The following YPEL1 variants were observed in gnomAD, a reference collection of about 807,000 sequenced individuals.
YPEL1 encodes the protein yippee like 1.
A neutral mutation model predicts 17.3 loss-of-function variants in YPEL1; 7 were observed. The ratio of observed to expected loss-of-function variants is 0.40; its 90% CI spans 0.23 to 0.76. YPEL1 has a LOEUF of 0.76. Among genes scored for constraint, YPEL1 ranks in the 30% least tolerant of loss-of-function variants. The probability of loss-of-function intolerance (pLI) is 0.35; values close to 1 mark genes in which losing one functional copy is unlikely to be tolerated. For synonymous variants in YPEL1, 59 were observed against 59.6 expected, an observed-to-expected ratio of 0.99 and a Z score of 0.05; for missense variants, 91 against 155.5, an observed-to-expected ratio of 0.59 and a Z score of 2.21.
At chr22:21,713,118 G>A (rs750173580) in intron 1 of YPEL1, among the ~76,000 whole-genome samples, 7 of 152,174 alleles carry the variant, frequency 4.6e-5, no homozygotes, top group Non-Finnish European at 7.3e-5. Context: ...GAAAATAAGC[G>A]TTGGTGAGGA....
intron 1 of YPEL1, among the ~76,000 whole-genome samples, chr22:21,727,911 C>T (rs55865371): frequency 0.019 from 2,923 of 152,208 alleles, 98 homozygotes; most frequent in African/African-American, 0.066. Flanking sequence ...CAGGGTGTCC[C>T]GAGATGGAAA....
chr22:21,735,349 G>C (rs958233433), intron 1 of YPEL1, among the ~76,000 whole-genome samples: 2 of 152,080 alleles, frequency 1.3e-5, no homozygotes, highest in African/African-American at 4.8e-5. Context: ...CGGGGCGGGA[G>C]AAGAGGGACA....
Position 21,710,710 on chromosome 22 carries a change from G to A in YPEL1, c.35C>T (p.Ala12Val), listed in dbSNP as rs948176998. The change falls in exon 2 of 5, where the codon GCG (alanine) becomes GTG (valine). Residue 12 changes from alanine (A) to valine (V), a missense_variant. Physicochemically the swap from Ala to Val is moderately conservative, Grantham distance 64 (BLOSUM62 0). Transcript: ENST00000339468. ...CGTTCGGTGACAGTTCGGCAGATAC[G>A]CTTGGAAAGTTTTGGACTTTGTCAT... ...VKMTKSKTFQ[A>V]YLPNCHRTYS... is the part of the protein sequence containing the mutation. 3 of 1,614,198 alleles carry A rather than the reference G, an allele frequency of 1.9e-6. No homozygotes were observed. The highest frequency in any genetic ancestry group is 2.5e-6 in the Non-Finnish European group (3 of 1,180,038).
intron 1 of YPEL1, among the ~76,000 whole-genome samples, chr22:21,731,934 G>A (rs1463692539): frequency 6.6e-6 from 1 of 152,194 alleles, no homozygotes. Flanking sequence ...ATGTGTCACT[G>A]TTACAGGACG....
rs369930686 is a variant in YPEL1 at position 21,715,499 on chromosome 22, AAAC to A, written c.-164-4594_-164-4592del. 9.5e-4 allele frequency among the ~76,000 whole-genome samples: 144 copies of A among 152,116 alleles called. No individual in the cohort carries two copies. In the South Asian group the frequency reaches 0.024, roughly 26 times the overall value. On this transcript the variant is annotated intron_variant, in intron 1 of 4. Coordinates refer to ENST00000339468, the MANE Select transcript of YPEL1 (RefSeq NM_013313.5). ...CAGAGTGAGACTCCATCTCAAGAAA[AAAC>A]AACAACAACAAACAAACAAACAAAA...
chr22:21,714,740 G>A (rs1346264580), intron 1 of YPEL1, among the ~76,000 whole-genome samples: 1 of 152,182 alleles, frequency 6.6e-6, no homozygotes, highest in Non-Finnish European at 1.5e-5. Context: ...AGTCCCTGCT[G>A]ATCTTTATCC....
intron 1 of YPEL1, among the ~76,000 whole-genome samples, chr22:21,720,240 T>C (rs538121581): frequency 3.2e-4 from 48 of 151,244 alleles, no homozygotes; most frequent in Non-Finnish European, 6.3e-4. Flanking sequence ...TCTCAGTCTG[T>C]TGCCGAGGCC....
chr22:21,709,678 A>G (rs1252876096), intron 2 of YPEL1, among the ~76,000 whole-genome samples: 2 of 152,204 alleles, frequency 1.3e-5, no homozygotes, highest in Non-Finnish European at 2.9e-5. Flanking sequence ...GAAAGGCACA[A>G]CTTCCTGACA....
At chr22:21,725,465 A>T (rs1198931027) in intron 1 of YPEL1, among the ~76,000 whole-genome samples, 1 of 150,494 alleles carries the variant, frequency 6.6e-6, no homozygotes, top group Admixed American at 6.6e-5. Flanking sequence ...TCCTGACCTC[A>T]TTATCCGCCT....
At chr22:21,728,086 T>C (rs1376767955) in intron 1 of YPEL1, among the ~76,000 whole-genome samples, 1 of 152,152 alleles carries the variant, frequency 6.6e-6, no homozygotes, top group Non-Finnish European at 1.5e-5. Context: ...GGCCCCGCCA[T>C]GTTCAGCCAG....
chr22:21,734,286 CCA>C lies in YPEL1; in HGVS notation c.-165+1327_-165+1328del, dbSNP rs1222079900. ...ATTCAAAGGTGAAAAGGCTTAATAC[CCA>C]CAGTTTAGTGACAAGAATGCACCCA... On this transcript the variant is annotated intron_variant, in intron 1 of 4. Transcript: ENST00000339468. Among the ~76,000 whole-genome samples the C allele has an allele frequency of 1.3e-4, 20 of 152,170 alleles. No homozygotes were observed. In the East Asian group the frequency reaches 3.5e-3, roughly 26 times the overall value.
rs965486429 is a variant in YPEL1 at position 21,717,132 on chromosome 22, G to C, written c.-164-6224C>G. Among the ~76,000 whole-genome samples the C allele has an allele frequency of 1.3e-4, 14 of 106,616 alleles. No individual in the cohort carries two copies. The East Asian group carries it at 2.7e-3, about 21-fold the overall frequency. The allele number at this position is 106,616 out of a possible 152,430, so 69.9% of individuals were successfully genotyped here. ...TGTAATCCCAGCACTTTGGGAGGCC[G>C]GGGCTGGGGGGGCGGGGGGCGGATC... is the stretch of plus-strand genomic sequence containing the variant. On this transcript the variant is annotated intron_variant, in intron 1 of 4. Transcript: ENST00000339468.
chr22:21,703,382 G>A lies in YPEL1; in HGVS notation c.258C>T (p.Leu86=), dbSNP rs371636873. ...DIYCENCKTT[L]GWKYEHAFES... ...TTGTGGCACTCACGTATTTCCACCC[G>A]AGCGTGGTCTTGCAGTTCTCGCAGT... The change falls in exon 4 of 5, where the codon CTC becomes CTT. Residue 86 remains leucine (L), a synonymous_variant. Transcript: ENST00000339468. The surrounding 1 kb of genome is among the most constrained non-coding windows in gnomAD (Gnocchi z 6.1). 5.6e-6 allele frequency: 9 copies of A among 1,613,304 alleles called. No homozygotes were observed. The highest frequency in any genetic ancestry group is 1.6e-4 in the Middle Eastern group (1 of 6,084).
At chr22:21,725,947 C>T (rs930696202) in intron 1 of YPEL1, among the ~76,000 whole-genome samples, 5 of 152,096 alleles carry the variant, frequency 3.3e-5, no homozygotes, top group African/African-American at 1.2e-4. Flanking sequence ...TATGGTGAGC[C>T]GTGATGGTGC....
intron 1 of YPEL1, among the ~76,000 whole-genome samples, chr22:21,729,503 A>T (rs551508708): frequency 6.6e-6 from 1 of 151,102 alleles, no homozygotes; most frequent in South Asian, 2.1e-4. Flanking sequence ...TGGGAGGCTG[A>T]GATGGGAGGA....
chr22:21,704,069 T>C (rs770044955), intron 2 of YPEL1, 187 bp from the exon 3 acceptor site: 8 of 731,368 alleles, frequency 1.1e-5, no homozygotes, highest in South Asian at 2.9e-5. Context: ...AGCTGCAAGC[T>C]GTTTTTCATT....
chr22:21,701,246 GGACAGAAGGTTTCACTTT>G, intron 4 of YPEL1, 28 bp from the exon 5 acceptor site: 1 of 1,580,026 alleles, frequency 6.3e-7, no homozygotes, highest in South Asian at 1.1e-5. Context: ...AAAGGTTTCA[GGACAGAAGGTTTCACTTT>G]TCAATTTCAT....
At chr22:21,714,276 C>T (rs1295469050) in intron 1 of YPEL1, among the ~76,000 whole-genome samples, 3 of 152,218 alleles carry the variant, frequency 2.0e-5, no homozygotes, top group Non-Finnish European at 1.5e-5. Context: ...TACTGGGACC[C>T]GGTCACCACG....
Position 21,704,022 on chromosome 22 carries a change from CT to C in YPEL1, c.118-141del, listed in dbSNP as rs1425205181. 8 of 876,404 alleles carry C rather than the reference CT, an allele frequency of 9.1e-6. No individual in the cohort carries two copies. In the African/African-American group the frequency reaches 1.0e-4, roughly 11 times the overall value. The allele number at this position is 876,404 out of a possible 1,614,324, so 54.3% of individuals were successfully genotyped here. On this transcript the variant is annotated intron_variant, in intron 2 of 4. Coordinates refer to ENST00000339468, the MANE Select transcript of YPEL1 (RefSeq NM_013313.5). ...CCGGGAGCAGACACCGGCGTCCCCC[CT>C]CCAGAACTCCACTTCTAATAACAGC...
Sources: allele counts gnomAD v4.1 joint callset (sites outside exome capture counted in the v4.1 genomes callset), GRCh38; gene constraint gnomAD v4.1.1; non-coding constraint Gnocchi (gnomAD v3.1); transcripts MANE v1.5; gene names NCBI Gene and HGNC (gene_info 2026-07-23, HGNC 2026-07-21).